MECOM: variants seen among roughly 807,000 people sequenced by gnomAD.
MECOM encodes the protein MDS1 and EVI1 complex locus, also known as histone-lysine N-methyltransferase MECOM.
In MECOM, 13 loss-of-function variants were observed where a neutral mutation model predicts 116.3. The observed-to-expected ratio is 0.11, with a 90% CI of 0.07 to 0.18. The LOEUF is 0.18. MECOM is among the 10% of genes least tolerant of loss of function. The probability of loss-of-function intolerance (pLI) is 1.00; values close to 1 mark genes in which losing one functional copy is unlikely to be tolerated. For missense variants in MECOM, 1,299 were observed against 1,509.0 expected (o/e 0.86, Z 2.31); for synonymous variants, 528 against 535.2 (o/e 0.99, Z 0.19).
chr3:169,232,644 A>AAT (rs5854321), intron 2 of MECOM, among the ~76,000 whole-genome samples: 1,730 of 149,570 alleles, frequency 0.012, 20 homozygotes, highest in African/African-American at 0.03. Context: ...CCATTTGTAA[A>AAT]ATATATATAT....
chr3:169,175,969 T>C (rs930350197), intron 2 of MECOM, among the ~76,000 whole-genome samples: 2 of 152,152 alleles, frequency 1.3e-5, no homozygotes, highest in Admixed American at 1.3e-4. Flanking sequence ...TATAAATTCT[T>C]CAGGTCTAGT....
chr3:169,123,186 CACAA>C (rs1731618289), intron 5 of MECOM, among the ~76,000 whole-genome samples: 1 of 150,926 alleles, frequency 6.6e-6, no homozygotes, highest in South Asian at 2.1e-4. Context: ...TTAACTGAAA[CACAA>C]ACACTCAAAC....
chr3:169,457,404 T>C (rs1296317660), intron 1 of MECOM, among the ~76,000 whole-genome samples: 1 of 152,118 alleles, frequency 6.6e-6, no homozygotes, highest in East Asian at 1.9e-4. Context: ...GGAGTGCAGA[T>C]AAAATGATTA....
intron 2 of MECOM, among the ~76,000 whole-genome samples, chr3:169,260,220 G>A (rs975406321): frequency 3.9e-5 from 6 of 151,944 alleles, no homozygotes; most frequent in African/African-American, 1.5e-4. Flanking sequence ...GCCAAAATTG[G>A]CTAGACTTAC....
intron 2 of MECOM, among the ~76,000 whole-genome samples, chr3:169,191,910 G>T (rs954228697): frequency 1.3e-5 from 2 of 151,968 alleles, no homozygotes; most frequent in Non-Finnish European, 2.9e-5. Context: ...AGATTGTGAA[G>T]AAAAAGTGGA....
chr3:169,180,273 G>A (rs1022938966), intron 2 of MECOM, among the ~76,000 whole-genome samples: 3 of 151,814 alleles, frequency 2.0e-5, no homozygotes, highest in African/African-American at 4.8e-5. Context: ...TTGATTTATC[G>A]TGGCTAGACT....
At position 169,353,386 on chromosome 3, in the gene MECOM, T is replaced by C. The variant is rs192332152; in HGVS notation, c.375+27801A>G. ...CATTAATTATTAATAACAATTAAAA[T>C]GGAGAACTCACTCTAATTGAGACTG... On this transcript the variant is annotated intron_variant, in intron 2 of 16. Coordinates refer to ENST00000651503, the MANE Select transcript of MECOM (RefSeq NM_004991.4). Among the ~76,000 whole-genome samples, 1,145 of 152,018 alleles carry C rather than the reference T, an allele frequency of 7.5e-3. 10 individuals are homozygous for C. Among genetic ancestry groups the C allele is most frequent in the Middle Eastern group, 0.061 (18 of 294 alleles).
intron 1 of MECOM, among the ~76,000 whole-genome samples, chr3:169,438,422 G>T (rs1743063712): frequency 6.6e-6 from 1 of 152,190 alleles, no homozygotes; most frequent in Non-Finnish European, 1.5e-5. Context: ...AAGGGAGTAT[G>T]CAGTGAGACA....
intron 1 of MECOM, among the ~76,000 whole-genome samples, chr3:169,537,169 A>G (rs1325764879): frequency 6.6e-6 from 1 of 152,202 alleles, no homozygotes; most frequent in Non-Finnish European, 1.5e-5. Context: ...ACTTTACCCA[A>G]CAAGAAGAAT....
At chr3:169,636,013 G>A (rs1433452556) in intron 1 of MECOM, among the ~76,000 whole-genome samples, 1 of 152,148 alleles carries the variant, frequency 6.6e-6, no homozygotes, top group African/African-American at 2.4e-5. Flanking sequence ...AAAAAGTAAT[G>A]TGGATAATAC....
At chr3:169,560,703 CA>C (rs1166119022) in intron 1 of MECOM, among the ~76,000 whole-genome samples, 1 of 151,716 alleles carries the variant, frequency 6.6e-6, no homozygotes, top group Non-Finnish European at 1.5e-5. Flanking sequence ...ACAGAAGCAT[CA>C]AAAAATAAAT....
At chr3:169,091,528 A>G (rs10513659) in intron 14 of MECOM, among the ~76,000 whole-genome samples, 39,035 of 151,902 alleles carry the variant, frequency 0.26, 5,201 homozygotes, top group Non-Finnish European at 0.29. Context: ...TCAAGTAAAT[A>G]TCATTATCAA....
intron 1 of MECOM, among the ~76,000 whole-genome samples, chr3:169,509,791 G>T (rs1039478211): frequency 6.6e-6 from 1 of 152,146 alleles, no homozygotes; most frequent in South Asian, 2.1e-4. Context: ...TGCACCTTTC[G>T]ACCATTGTGA....
intron 1 of MECOM, among the ~76,000 whole-genome samples, chr3:169,518,506 T>G (rs1756974083): frequency 6.6e-6 from 1 of 152,204 alleles, no homozygotes; most frequent in Non-Finnish European, 1.5e-5. Context: ...AGAATCATGG[T>G]AGCCAATGGC....
At chr3:169,576,746 G>T (rs1226398649) in intron 1 of MECOM, among the ~76,000 whole-genome samples, 1 of 150,884 alleles carries the variant, frequency 6.6e-6, no homozygotes, top group African/African-American at 2.4e-5. Context: ...CAAGGTCCAT[G>T]ATCAGGATTT....
chr3:169,274,941 G>C (rs990718331), intron 2 of MECOM, among the ~76,000 whole-genome samples: 3 of 152,198 alleles, frequency 2.0e-5, no homozygotes, highest in Admixed American at 2.0e-4. Flanking sequence ...AAGTGCACAA[G>C]AGGGAGTGGC....
At chr3:169,329,824 G>A (rs376575681) in intron 2 of MECOM, among the ~76,000 whole-genome samples, 1 of 152,194 alleles carries the variant, frequency 6.6e-6, no homozygotes, top group East Asian at 1.9e-4. Flanking sequence ...TGTACAATAT[G>A]CCAATGAGCA....
intron 2 of MECOM, among the ~76,000 whole-genome samples, chr3:169,326,910 A>G (rs954299531): frequency 1.3e-5 from 2 of 152,202 alleles, no homozygotes; most frequent in Admixed American, 1.3e-4. Flanking sequence ...GGTATATTTT[A>G]TCTCCTTCTA....
At chr3:169,202,819 CA>C (rs11287862) in intron 2 of MECOM, among the ~76,000 whole-genome samples, 18,042 of 88,762 alleles carry the variant, frequency 0.2, 933 homozygotes, top group African/African-American at 0.35. Context: ...TTGCCATTAG[CA>C]AAAAAAAAAA....
Sources: gnomAD v4.1 joint callset for allele counts (sites outside exome capture counted in the v4.1 genomes callset) on GRCh38, gnomAD v4.1.1 for gene constraint, MANE v1.5 for transcripts, NCBI Gene and HGNC (gene_info 2026-07-23, HGNC 2026-07-21) for gene names.